Variants in NID2 observed in about 807,000 individuals in gnomAD.
NID2 encodes the protein nidogen 2.
A neutral mutation model predicts 145.4 loss-of-function variants in NID2; 83 were observed. That is an observed-to-expected ratio of 0.57 (90% CI 0.48 to 0.69). The LOEUF is 0.69. Ranked by LOEUF, NID2 falls within the 30% of genes least tolerant of loss-of-function variation. NID2 has a pLI of 0.00. For synonymous variants in NID2, 739 were observed against 701.3 expected (o/e 1.05, Z -0.85); for missense variants, 1,807 against 1,765.7 (o/e 1.02, Z -0.42).
chr14:52,029,966 T>C (rs1891740684), intron 9 of NID2, among the ~76,000 whole-genome samples: 1 of 152,214 alleles, frequency 6.6e-6, no homozygotes, highest in African/African-American at 2.4e-5. Context: ...AAACATCTGT[T>C]TAAAAGTGCT....
chr14:52,054,430 G>A (rs1892783775), intron 3 of NID2, 109 bp from the exon 4 acceptor site: 2 of 1,114,688 alleles, frequency 1.8e-6, no homozygotes, highest in Admixed American at 5.1e-5. Flanking sequence ...AGCTGGGCAT[G>A]GTGGCTCACA....
chr14:52,031,733 C>T (rs1891878027), intron 9 of NID2, among the ~76,000 whole-genome samples: 1 of 152,242 alleles, frequency 6.6e-6, no homozygotes, highest in South Asian at 2.1e-4. Context: ...TCATTTCACT[C>T]TTTCTGACCC....
At chr14:52,060,096 G>C (rs1425024248) in intron 3 of NID2, 28 bp downstream of exon 3, 1 of 1,507,854 alleles carries the variant, frequency 6.6e-7, no homozygotes, top group Non-Finnish European at 9.1e-7. Context: ...ATTCAAATAG[G>C]AAAGGGCTTC....
chr14:52,028,203 T>C (rs952009991), intron 11 of NID2, among the ~76,000 whole-genome samples: 3 of 151,994 alleles, frequency 2.0e-5, no homozygotes, highest in East Asian at 1.9e-4. Flanking sequence ...ACACCAAAAA[T>C]ATCTATTTAG....
chr14:52,015,928 T>G (rs1294309421), intron 14 of NID2, among the ~76,000 whole-genome samples: 1 of 152,102 alleles, frequency 6.6e-6, no homozygotes, highest in Non-Finnish European at 1.5e-5. Context: ...GCAAACAGCT[T>G]AAAAATGGTT....
chr14:52,015,373 C>A (rs1891183186), intron 14 of NID2, 98 bp from the exon 15 acceptor site: 2 of 1,131,494 alleles, frequency 1.8e-6, no homozygotes, highest in South Asian at 3.1e-5. Flanking sequence ...GGCCTCCTGG[C>A]CTTCCTTCTC....
In NID2 at chr14:52,005,238, A is replaced by C; in HGVS notation, c.*248T>G. 2.7e-6 allele frequency: 1 copy of C among 372,846 alleles called. No individual in the cohort carries two copies. The highest frequency in any genetic ancestry group is 4.8e-6 in the Non-Finnish European group (1 of 209,132). The allele number at this position is 372,846 out of a possible 1,614,324, so 23.1% of individuals were successfully genotyped here. On this transcript the variant is annotated 3_prime_UTR_variant, in exon 22 of 22. Transcript: ENST00000216286. ...AATGTTTACAAGAAGTTGCTTTAAT[A>C]AGCAACAGTTAAAATTCTGTTACCT...
At position 52,010,931 on chromosome 14, in the gene NID2, G is replaced by C; in HGVS notation, c.3667C>G (p.Leu1223Val). Residue 1223 changes from leucine to valine, a missense_variant, in exon 18 of 22, where the codon CTC becomes GTC. By Grantham distance (32) the Leu-to-Val change is conservative (BLOSUM62 1). Transcript: ENST00000216286. Reference sequence around the variant, plus strand: ...GGATTCACCAGATCTGTGTAGAAGAGGACCTTGCGCTCAGAGCCATCCAGC... The same window carrying C: ...GGATTCACCAGATCTGTGTAGAAGACGACCTTGCGCTCAGAGCCATCCAGC... Reference protein sequence around the residue: ...ALLDGSERKVLFYTDLVNPRA... With the variant: ...ALLDGSERKVVFYTDLVNPRA... 2 of 1,613,992 alleles carry C rather than the reference G, an allele frequency of 1.2e-6. No homozygotes were observed. Among genetic ancestry groups the C allele is most frequent in the Non-Finnish European group, 1.7e-6 (2 of 1,180,030 alleles).
In NID2 at chr14:52,027,633, T is replaced by TACATAC. The variant is rs141906245; in HGVS notation, c.2531-290_2531-289insGTATGT. Among the ~76,000 whole-genome samples, 192 of 144,246 alleles carry TACATAC rather than the reference T, an allele frequency of 1.3e-3. 1 individual carries two copies. Among genetic ancestry groups the TACATAC allele is most frequent in the African/African-American group, 4.7e-3 (183 of 38,668 alleles). 94.6% of individuals were successfully genotyped at this position (144,246 alleles called of 152,430 possible). ...GTTTATAACACTCCAGAGCAATTGC[T>TACATAC]ACACACACACACACACACACACACA... On this transcript the variant is annotated intron_variant, in intron 11 of 21. Transcript: ENST00000216286.
chr14:52,067,777 G>A lies in NID2; in HGVS notation c.534+81C>T, dbSNP rs1595061641. 12 of 1,521,378 alleles carry A rather than the reference G, an allele frequency of 7.9e-6. No homozygotes were observed. The East Asian group carries it at 9.0e-5, about 11-fold the overall frequency. 94.2% of individuals were successfully genotyped at this position (1,521,378 alleles called of 1,614,324 possible). ...CAAGAGTAGGCTCAGAAACAACTCCGAGCCAGTCCCTGGGTCGCTGCCCCA... is the reference window on the plus strand; with the variant it reads ...CAAGAGTAGGCTCAGAAACAACTCCAAGCCAGTCCCTGGGTCGCTGCCCCA... On this transcript the variant is annotated intron_variant, in intron 2 of 21. Coordinates refer to ENST00000216286, the MANE Select transcript of NID2 (RefSeq NM_007361.4).
intron 9 of NID2, among the ~76,000 whole-genome samples, chr14:52,030,503 G>T (rs1449846376): frequency 3.5e-5 from 2 of 57,796 alleles, no homozygotes; most frequent in South Asian, 1.1e-3. Flanking sequence ...GAAAGAAAGA[G>T]AAAGAAAGAA....
At chr14:52,011,895 C>T (rs1376829299) in intron 16 of NID2, 16 of 537,394 alleles carry the variant, frequency 3.0e-5, no homozygotes, top group African/African-American at 1.7e-4. Flanking sequence ...AACCTCTATG[C>T]GTTTGTCTCA....
At chr14:52,050,233 A>G (rs1410964475) in intron 5 of NID2, among the ~76,000 whole-genome samples, 3 of 152,220 alleles carry the variant, frequency 2.0e-5, no homozygotes, top group Non-Finnish European at 2.9e-5. Flanking sequence ...GGTCCCAGGC[A>G]GCTGAAGCCC....
At chr14:52,016,511 C>G (rs1271838682) in intron 14 of NID2, among the ~76,000 whole-genome samples, 1 of 152,188 alleles carries the variant, frequency 6.6e-6, no homozygotes, top group East Asian at 1.9e-4. Flanking sequence ...ACCCTCCTTT[C>G]TCTCACCATC....
chr14:52,067,626 T>A (rs1893263971), intron 2 of NID2, among the ~76,000 whole-genome samples: 1 of 152,206 alleles, frequency 6.6e-6, no homozygotes, highest in Admixed American at 6.5e-5. Flanking sequence ...CGCTCTCATA[T>A]CCGCTAAGCA....
At chr14:52,044,266 C>CTTTTTTTTT (rs55972168) in intron 5 of NID2, among the ~76,000 whole-genome samples, 2 of 113,918 alleles carry the variant, frequency 1.8e-5, no homozygotes, top group African/African-American at 3.5e-5. Flanking sequence ...ATTTAACAAC[C>CTTTTTTTTT]TTTTTTTTTT....
Position 52,067,993 on chromosome 14 carries a change from C to A in NID2, c.399G>T (p.Leu133=). 1.9e-6 allele frequency: 3 copies of A among 1,612,314 alleles called. No homozygotes were observed. Among genetic ancestry groups the A allele is most frequent in the Non-Finnish European group, 2.5e-6 (3 of 1,179,012 alleles). The change falls in exon 2 of 22, where the codon CTG becomes CTT. Residue 133 remains leucine, a synonymous_variant. Transcript: ENST00000216286. ...CGCGCACATAGCGGGCGGCCAGGCC[C>A]AGCACTGCGGGGGAGGTGTCCTCTC... ...LYREDTSPAV[L]GLAARYVRAG...
Position 52,042,867 on chromosome 14 carries a change from A to G in NID2, c.1494T>C (p.His498=), listed in dbSNP as rs912335285. The change falls in exon 6 of 22, where the codon CAT becomes CAC. Residue 498 remains histidine (H), a synonymous_variant. Coordinates refer to ENST00000216286, the MANE Select transcript of NID2 (RefSeq NM_007361.4). The stretch of plus-strand genomic sequence containing the variant: ...CAGTGGCATAGTCCGTGCAGAAGGC[A>G]TGCCGGGAGCATTGTCTGTGGTTGT... ...CEHNHRQCSR[H]AFCTDYATGF... 2 of 1,614,232 alleles carry G rather than the reference A, an allele frequency of 1.2e-6. No individual in the cohort carries two copies. The highest frequency in any genetic ancestry group is 1.7e-5 in the Admixed American group (1 of 60,022).
chr14:52,063,883 A>G (rs1893101593), intron 2 of NID2, among the ~76,000 whole-genome samples: 1 of 152,226 alleles, frequency 6.6e-6, no homozygotes, highest in African/African-American at 2.4e-5. Flanking sequence ...CCAAAAATTC[A>G]AAGACAAATG....
Sources: allele counts gnomAD v4.1 joint callset (sites outside exome capture counted in the v4.1 genomes callset), GRCh38; gene constraint gnomAD v4.1.1; transcripts MANE v1.5; gene names NCBI Gene and HGNC (gene_info 2026-07-23, HGNC 2026-07-21).